Variants in MEGF11 observed in about 807,000 individuals in gnomAD.
The protein encoded by MEGF11 is multiple epidermal growth factor-like domains protein 11.
Under a neutral mutation model 146.6 loss-of-function variants are expected in MEGF11, and 126 were observed. The ratio of observed to expected loss-of-function variants is 0.86; its 90% CI spans 0.74 to 1.00. The LOEUF is 1.00. MEGF11 is among the 50% of genes least tolerant of loss of function. The pLI is 0.00. For synonymous variants in MEGF11, 532 were observed against 583.4 expected (o/e 0.91, Z 1.27); for missense variants, 1,509 against 1,521.2 (o/e 0.99, Z 0.13).
chr15:66,001,158 G>A (rs1011712742), intron 5 of MEGF11, among the ~76,000 whole-genome samples: 1 of 152,168 alleles, frequency 6.6e-6, no homozygotes, highest in African/African-American at 2.4e-5. Context: ...GTGTGTGCCA[G>A]TAAGTGCATG....
chr15:66,207,284 C>T (rs906003500), intron 1 of MEGF11, among the ~76,000 whole-genome samples: 1 of 152,192 alleles, frequency 6.6e-6, no homozygotes, highest in African/African-American at 2.4e-5. Context: ...TAAAGACCAA[C>T]ACAGACTCTT....
intron 24 of MEGF11, among the ~76,000 whole-genome samples, chr15:65,900,415 G>A (rs2078466394): frequency 6.6e-6 from 1 of 152,242 alleles, no homozygotes; most frequent in African/African-American, 2.4e-5. Flanking sequence ...AGCTAGATGT[G>A]TGCCACCACA....
At chr15:65,908,147 A>G (rs1428025504) in intron 23 of MEGF11, among the ~76,000 whole-genome samples, 1 of 152,196 alleles carries the variant, frequency 6.6e-6, no homozygotes, top group Non-Finnish European at 1.5e-5. Flanking sequence ...CCCAGGGTCC[A>G]TGCAGCCCAT....
intron 5 of MEGF11, among the ~76,000 whole-genome samples, chr15:66,082,768 A>G (rs1477774081): frequency 6.6e-6 from 1 of 150,908 alleles, no homozygotes; most frequent in Non-Finnish European, 1.5e-5. Context: ...TCCTCCTCCA[A>G]ATCGTGGCCC....
chr15:65,930,750 C>A, intron 11 of MEGF11, 73 bp downstream of exon 11: 1 of 1,478,264 alleles, frequency 6.8e-7, no homozygotes, highest in Non-Finnish European at 9.1e-7. Context: ...CACCTGAGAC[C>A]CCTCAGCTGG....
intron 3 of MEGF11, among the ~76,000 whole-genome samples, chr15:66,122,959 A>G (rs1567252589): frequency 6.6e-6 from 1 of 151,770 alleles, no homozygotes; most frequent in African/African-American, 2.4e-5. Context: ...AATTTTTTGT[A>G]TTTTTAGTAG....
At chr15:65,979,656 G>A (rs1430554443) in intron 7 of MEGF11, among the ~76,000 whole-genome samples, 1 of 152,216 alleles carries the variant, frequency 6.6e-6, no homozygotes, top group Admixed American at 6.5e-5. Flanking sequence ...GCACTGACAG[G>A]CAGGGTATGT....
At chr15:66,094,351 C>G (rs553341751) in intron 5 of MEGF11, 51 bp downstream of exon 5, 31 of 1,475,640 alleles carry the variant, frequency 2.1e-5, no homozygotes, top group Non-Finnish European at 2.6e-5. Context: ...AACCCACTCC[C>G]CTACCAAGTC....
intron 5 of MEGF11, among the ~76,000 whole-genome samples, chr15:66,011,720 C>CTAT (rs55863629): frequency 0.014 from 2,161 of 149,414 alleles, 48 homozygotes; most frequent in African/African-American, 0.048. Context: ...GGGAATTTAG[C>CTAT]TATTATTATT....
At chr15:66,186,230 C>T (rs1282269078) in intron 1 of MEGF11, among the ~76,000 whole-genome samples, 1 of 152,194 alleles carries the variant, frequency 6.6e-6, no homozygotes, top group Non-Finnish European at 1.5e-5. Flanking sequence ...GAGAGGGTGA[C>T]TCATGGTGAG....
chr15:66,017,687 T>C (rs2082938136), intron 5 of MEGF11, among the ~76,000 whole-genome samples: 1 of 152,318 alleles, frequency 6.6e-6, no homozygotes, highest in African/African-American at 2.4e-5. Flanking sequence ...TAGAGGGGTC[T>C]GAGAAGCCGA....
intron 1 of MEGF11, among the ~76,000 whole-genome samples, chr15:66,166,284 C>T (rs2090094484): frequency 6.6e-6 from 1 of 152,112 alleles, no homozygotes; most frequent in Admixed American, 6.5e-5. Flanking sequence ...TCTCTCTTTC[C>T]CACATCCCCA....
intron 1 of MEGF11, among the ~76,000 whole-genome samples, chr15:66,249,514 TTCTC>T (rs1318288898): frequency 3.3e-5 from 5 of 152,200 alleles, no homozygotes; most frequent in East Asian, 1.9e-4. Flanking sequence ...TTGCAATATA[TTCTC>T]TCTGTGTATG....
chr15:65,970,433 G>T, intron 8 of MEGF11, 120 bp downstream of exon 8: 1 of 1,143,746 alleles, frequency 8.7e-7, no homozygotes, highest in Non-Finnish European at 1.2e-6. Flanking sequence ...AGAGCTCAGA[G>T]TGCTTTCTGA....
chr15:66,033,710 A>G (rs1425329460), intron 5 of MEGF11, among the ~76,000 whole-genome samples: 1 of 152,260 alleles, frequency 6.6e-6, no homozygotes, highest in Non-Finnish European at 1.5e-5. Flanking sequence ...ACTGCAAGAC[A>G]CGGAGTCAAA....
intron 15 of MEGF11, 47 bp from the exon 16 acceptor site, chr15:65,918,141 T>A: frequency 6.2e-7 from 1 of 1,609,060 alleles, no homozygotes; most frequent in Non-Finnish European, 8.5e-7. Context: ...CCTGTGTTCC[T>A]CTGACCTCCA....
chr15:66,000,296 A>G (rs1024805465), intron 5 of MEGF11, among the ~76,000 whole-genome samples: 5 of 152,140 alleles, frequency 3.3e-5, no homozygotes, highest in Admixed American at 6.5e-5. Flanking sequence ...TGGGAGGCTG[A>G]GACAGGAGGA....
intron 17 of MEGF11, 143 bp downstream of exon 17, chr15:65,916,672 AGAGCTCCTCAGTT>A (rs1307926799): frequency 7.7e-7 from 1 of 1,304,576 alleles, no homozygotes; most frequent in Non-Finnish European, 1.1e-6. Flanking sequence ...CTGCCCCTGC[AGAGCTCCTCAGTT>A]CTCGTGGGGC....
chr15:66,057,746 T>A (rs2084737753), intron 5 of MEGF11, among the ~76,000 whole-genome samples: 1 of 152,138 alleles, frequency 6.6e-6, no homozygotes, highest in South Asian at 2.1e-4. Context: ...TTATTATGAT[T>A]ATGTTTAGGC....
Sources: allele counts gnomAD v4.1 joint callset (sites outside exome capture counted in the v4.1 genomes callset), GRCh38; gene constraint gnomAD v4.1.1; transcripts MANE v1.5; gene names NCBI Gene and HGNC (gene_info 2026-07-23, HGNC 2026-07-21).